The following ITPR2 variants were observed in gnomAD, a reference collection of about 807,000 sequenced individuals.
ITPR2 encodes the protein inositol 1,4,5-trisphosphate receptor type 2.
In ITPR2, 207 loss-of-function variants were observed where a neutral mutation model predicts 317.1. The observed-to-expected ratio is 0.65, with a 90% CI of 0.58 to 0.73. ITPR2 has a LOEUF of 0.73. Ranked by LOEUF, ITPR2 falls within the 30% of genes least tolerant of loss-of-function variation. The pLI is 0.00. For missense variants in ITPR2, 2,613 were observed against 3,284.0 expected, an observed-to-expected ratio of 0.80 and a Z score of 4.99; for synonymous variants, 1,156 against 1,149.1, an observed-to-expected ratio of 1.01 and a Z score of -0.12.
intron 13 of ITPR2, among the ~76,000 whole-genome samples, chr12:26,670,667 T>C (rs369500887): frequency 0.042 from 6,410 of 152,298 alleles, 205 homozygotes; most frequent in East Asian, 0.13. Context: ...AGGAACGCAG[T>C]TCCTCACCAG....
intron 26 of ITPR2, among the ~76,000 whole-genome samples, chr12:26,608,979 C>A (rs150367410): frequency 6.6e-6 from 1 of 152,180 alleles, no homozygotes; most frequent in East Asian, 1.9e-4. Context: ...GTGAAAACAG[C>A]AACATAATAG....
At chr12:26,396,610 T>C (rs1940006930) in intron 54 of ITPR2, among the ~76,000 whole-genome samples, 2 of 152,098 alleles carry the variant, frequency 1.3e-5, no homozygotes, top group African/African-American at 4.8e-5. Context: ...CTGCTTCTCT[T>C]CTCACTCGGA....
intron 15 of ITPR2, among the ~76,000 whole-genome samples, chr12:26,661,275 T>TGGGG (rs34833740): frequency 4.5e-4 from 4 of 8,968 alleles, no homozygotes; most frequent in African/African-American, 1.7e-3. Flanking sequence ...GGTGTGTGTG[T>TGGGG]GGGGGGGGGG....
chr12:26,722,805 T>C (rs1948859455), intron 4 of ITPR2, among the ~76,000 whole-genome samples: 1 of 151,940 alleles, frequency 6.6e-6, no homozygotes, highest in Non-Finnish European at 1.5e-5. Context: ...AGGGGACCCC[T>C]CCGAGTGATT....
At chr12:26,514,494 T>C (rs1468083903) in intron 37 of ITPR2, among the ~76,000 whole-genome samples, 7 of 152,260 alleles carry the variant, frequency 4.6e-5, no homozygotes, top group African/African-American at 1.4e-4. Context: ...TAAATTGTTA[T>C]GTTTTTGTCT....
chr12:26,484,013 A>C (rs1341453899), intron 41 of ITPR2, 115 bp from the exon 42 acceptor site: 6 of 888,632 alleles, frequency 6.8e-6, no homozygotes, highest in Non-Finnish European at 1.0e-5. Flanking sequence ...AAGTATTCGC[A>C]TTTATTAAAA....
At chr12:26,605,126 A>AAAAAAATATATAT (rs1555165395) in intron 26 of ITPR2, among the ~76,000 whole-genome samples, 1 of 136,310 alleles carries the variant, frequency 7.3e-6, no homozygotes, top group South Asian at 2.4e-4. Context: ...AAAAAATAAA[A>AAAAAAATATATAT]ATATATATAT....
intron 21 of ITPR2, chr12:26,649,545 A>G (rs1356635209): frequency 9.9e-5 from 15 of 152,124 alleles, no homozygotes; most frequent in Admixed American, 9.8e-4. Flanking sequence ...ATCTCCTTTA[A>G]TCTGAAACAG....
At position 26,443,656 on chromosome 12, in the gene ITPR2, G is replaced by C. The variant is rs763247464; in HGVS notation, c.6343-6C>G. 1 of 1,610,664 alleles carries C rather than the reference G, an allele frequency of 6.2e-7. No individual in the cohort carries two copies. Among genetic ancestry groups the C allele is most frequent in the Non-Finnish European group, 8.5e-7 (1 of 1,177,540 alleles). On this transcript the variant is annotated splice_region_variant and splice_polypyrimidine_tract_variant and intron_variant, in intron 45 of 56. Coordinates refer to ENST00000381340, the MANE Select transcript of ITPR2 (RefSeq NM_002223.4). ...AGTTTATTGTGGCGGGCCAACTAGA[G>C]TAGGGAAAAAATAAAGGTTTTAGGT...
rs989437988 is a variant in ITPR2, at chr12:26,486,282, T to C, written c.5633A>G (p.Tyr1878Cys). The C allele has an allele frequency of 3.1e-6, 5 of 1,614,038 alleles. No individual in the cohort carries two copies. Among genetic ancestry groups the C allele is most frequent in the East Asian group, 2.2e-5 (1 of 44,884 alleles). The change falls in exon 41 of 57, where the codon TAT (tyrosine) becomes TGT (cysteine). Residue 1878 changes from tyrosine to cysteine, a missense_variant. By Grantham distance (194) the Tyr-to-Cys change is radical (BLOSUM62 -2). Around this residue, in one of 9 missense-constraint regions of ITPR2, gnomAD observed 926 missense variants for 1,072.8 expected, o/e 0.86. Transcript: ENST00000381340. ...ATCCATTTCTCTTCTGTATACACAA[T>C]ATGCTTTGGATGTTGCTGAAGAAGC... ...TEASSATSKA[Y>C]CVYRREMDPE...
At chr12:26,519,545 C>T (rs1428993794) in intron 37 of ITPR2, among the ~76,000 whole-genome samples, 1 of 152,038 alleles carries the variant, frequency 6.6e-6, no homozygotes, top group African/African-American at 2.4e-5. Flanking sequence ...TATCTTGTCC[C>T]AAAAGCCAGT....
chr12:26,661,609 G>A (rs958428326), intron 15 of ITPR2, among the ~76,000 whole-genome samples: 4 of 152,184 alleles, frequency 2.6e-5, no homozygotes, highest in African/African-American at 7.2e-5. Flanking sequence ...ATGGGCCTGA[G>A]GGCCCTGGGT....
At chr12:26,569,044 A>T (rs576757972) in intron 34 of ITPR2, among the ~76,000 whole-genome samples, 1 of 152,282 alleles carries the variant, frequency 6.6e-6, no homozygotes, top group South Asian at 2.1e-4. Flanking sequence ...TATACCTCAC[A>T]ACTAAATGTA....
chr12:26,340,365 G>A, intron 55 of ITPR2, 37 bp from the exon 56 acceptor site: 1 of 1,547,868 alleles, frequency 6.5e-7, no homozygotes, highest in Non-Finnish European at 8.7e-7. Context: ...AAGGGAATAA[G>A]TATGGAAGGG....
At chr12:26,830,412 G>T (rs990338567) in intron 1 of ITPR2, among the ~76,000 whole-genome samples, 1 of 152,200 alleles carries the variant, frequency 6.6e-6, no homozygotes, top group African/African-American at 2.4e-5. Context: ...GTACATTAAA[G>T]GTTAGTCTAG....
chr12:26,814,769 AAAG>A lies in ITPR2; in HGVS notation c.92+17918_92+17920del, dbSNP rs1950820762. Among the ~76,000 whole-genome samples the A allele has an allele frequency of 3.3e-5, 5 of 152,374 alleles. No homozygotes were observed. The South Asian group carries it at 1.0e-3, about 32-fold the overall frequency. On this transcript the variant is annotated intron_variant, in intron 1 of 56. Coordinates refer to ENST00000381340, the MANE Select transcript of ITPR2 (RefSeq NM_002223.4). ...AAAATCTCCTTTTATGGCACAATTA[AAAG>A]AAGGGTAGGGCCTGAATAATTTTTA... is the stretch of plus-strand genomic sequence containing the variant.
intron 54 of ITPR2, among the ~76,000 whole-genome samples, chr12:26,391,553 TTCC>T (rs373524949): frequency 6.3e-5 from 4 of 63,956 alleles, no homozygotes; most frequent in African/African-American, 1.8e-4. Context: ...TCTTCTTCTT[TTCC>T]TTTTTTTTTT....
chr12:26,512,476 C>T (rs1943380115), intron 37 of ITPR2, among the ~76,000 whole-genome samples: 1 of 152,228 alleles, frequency 6.6e-6, no homozygotes, highest in Non-Finnish European at 1.5e-5. Flanking sequence ...TACCCACCCC[C>T]CACATGTAAA....
intron 12 of ITPR2, 151 bp from the exon 13 acceptor site, chr12:26,682,185 T>G: frequency 4.6e-6 from 3 of 652,794 alleles, no homozygotes. Context: ...TATGAAAGGC[T>G]GCAGGGACAC....
Sources: allele counts gnomAD v4.1 joint callset (sites outside exome capture counted in the v4.1 genomes callset), GRCh38; gene constraint gnomAD v4.1.1; regional missense constraint gnomAD v4.1.1; transcripts MANE v1.5; gene names NCBI Gene and HGNC (gene_info 2026-07-23, HGNC 2026-07-21).